Variants in ABL1 observed in about 807,000 individuals in gnomAD.
ABL1 encodes the protein ABL proto-oncogene 1, non-receptor tyrosine kinase.
ABL1 carries 11 observed loss-of-function variants against 94.7 expected under a neutral mutation model. That is an observed-to-expected ratio of 0.12 (90% CI 0.07 to 0.19). The LOEUF is 0.19. Ranked by LOEUF, ABL1 falls within the 10% of genes least tolerant of loss-of-function variation. The probability of loss-of-function intolerance (pLI) is 1.00; values close to 1 mark genes in which losing one functional copy is unlikely to be tolerated. For synonymous variants in ABL1, 656 were observed against 622.4 expected, an observed-to-expected ratio of 1.05 and a Z score of -0.80; for missense variants, 1,082 against 1,489.4, an observed-to-expected ratio of 0.73 and a Z score of 4.50.
At chr9:130,745,293 A>G (rs1057467932) in intron 1 of ABL1, among the ~76,000 whole-genome samples, 18 of 151,990 alleles carry the variant, frequency 1.2e-4, no homozygotes, top group Admixed American at 1.2e-3. Flanking sequence ...CATGTTGGTC[A>G]AGCTAGTCTT....
At chr9:130,833,405 G>C (rs543689290), upstream of ABL1, among the ~76,000 whole-genome samples, 3 of 152,152 alleles carry the variant, frequency 2.0e-5, no homozygotes, top group Non-Finnish European at 2.9e-5. Context: ...TTGGCATTAC[G>C]TGTAGAGGTT....
chr9:130,774,715 G>A (rs1037308375), intron 1 of ABL1, among the ~76,000 whole-genome samples: 2 of 151,974 alleles, frequency 1.3e-5, no homozygotes, highest in Admixed American at 6.6e-5. Context: ...GCATGGTGGC[G>A]TGCATCTATA....
At chr9:130,875,846 C>T (rs116320520) in intron 7 of ABL1, among the ~76,000 whole-genome samples, 1,588 of 152,102 alleles carry the variant, frequency 0.01, 32 homozygotes, top group African/African-American at 0.036. Flanking sequence ...CTTCTCCTTC[C>T]GACGGAGTTT....
At chr9:130,866,512 C>T (rs992712444) in intron 4 of ABL1, among the ~76,000 whole-genome samples, 1 of 152,134 alleles carries the variant, frequency 6.6e-6, no homozygotes, top group Admixed American at 6.5e-5. Flanking sequence ...AGCCTGTTTC[C>T]TATCGCTGGC....
At chr9:130,782,620 C>T (rs1829769442) in intron 1 of ABL1, among the ~76,000 whole-genome samples, 1 of 152,204 alleles carries the variant, frequency 6.6e-6, no homozygotes, top group South Asian at 2.1e-4. Flanking sequence ...ATAACACACA[C>T]CCACCTCATA....
intron 1 of ABL1, among the ~76,000 whole-genome samples, chr9:130,783,190 G>A (rs1829780350): frequency 6.6e-6 from 1 of 152,200 alleles, no homozygotes; most frequent in Non-Finnish European, 1.5e-5. Flanking sequence ...AGTTATTCAT[G>A]GAGCTGAAGA....
chr9:130,717,936 C>A (rs946310298), intron 1 of ABL1, among the ~76,000 whole-genome samples: 1 of 151,712 alleles, frequency 6.6e-6, no homozygotes, highest in African/African-American at 2.4e-5. Context: ...TTGCTTGAAC[C>A]CCGGAGCGGA....
intron 4 of ABL1, among the ~76,000 whole-genome samples, chr9:130,866,320 T>G (rs978106061): frequency 2.0e-5 from 3 of 152,184 alleles, no homozygotes; most frequent in Admixed American, 6.5e-5. Flanking sequence ...ATAAAATATT[T>G]ACATAAGCCA....
intron 1 of ABL1, among the ~76,000 whole-genome samples, chr9:130,785,533 T>A (rs34421735): frequency 0.022 from 3,425 of 152,258 alleles, 137 homozygotes; most frequent in African/African-American, 0.079. Flanking sequence ...CTGCCCTTTT[T>A]AAGACACATA....
Position 130,884,745 on chromosome 9 carries a change from C to T in ABL1, c.2455C>T (p.Arg819Trp), listed in dbSNP as rs373527910. The T allele has an allele frequency of 2.2e-5, 36 of 1,612,390 alleles. No homozygotes were observed. The highest frequency in any genetic ancestry group is 3.3e-5 in the South Asian group (3 of 91,074). Residue 819 changes from arginine to tryptophan, a missense_variant, in exon 11 of 11, where the codon CGG (arginine) becomes TGG (tryptophan). Around this residue, in one of 7 missense-constraint regions of ABL1, gnomAD observed 780 missense variants for 835.8 expected, o/e 0.93. Coordinates refer to ENST00000318560, the MANE Select transcript of ABL1 (RefSeq NM_005157.6). The surrounding 1 kb of genome is among the most constrained non-coding windows in gnomAD (Gnocchi z 5.6). ...SPPNLTPKPLRRQVTVAPASG... is the reference protein window; with the variant it reads ...SPPNLTPKPLWRQVTVAPASG... ...GCCCAACCTGACTCCAAAACCCCTCCGGCGGCAGGTCACCGTGGCCCCTGC... is the reference window on the plus strand; with the variant it reads ...GCCCAACCTGACTCCAAAACCCCTCTGGCGGCAGGTCACCGTGGCCCCTGC...
intron 1 of ABL1, among the ~76,000 whole-genome samples, chr9:130,762,048 C>T (rs376027103): frequency 6.6e-6 from 1 of 150,502 alleles, no homozygotes; most frequent in East Asian, 2.0e-4. Context: ...GAGGCTGAGG[C>T]AGGAGAATCA....
chr9:130,858,529 G>T (rs769050231), intron 3 of ABL1, among the ~76,000 whole-genome samples: 1 of 152,142 alleles, frequency 6.6e-6, no homozygotes. Flanking sequence ...CCAGCAGACC[G>T]TCTGCGGAGG....
At chr9:130,740,169 G>A (rs968137824) in intron 1 of ABL1, among the ~76,000 whole-genome samples, 30 of 152,162 alleles carry the variant, frequency 2.0e-4, no homozygotes, top group African/African-American at 7.0e-4. Context: ...GCTCAGATTC[G>A]CCATTTATTG....
intron 1 of ABL1, among the ~76,000 whole-genome samples, chr9:130,847,934 G>C (rs1053170866): frequency 6.6e-6 from 1 of 152,172 alleles, no homozygotes; most frequent in African/African-American, 2.4e-5. Context: ...GCTTATTCCA[G>C]GTGTTTTCCA....
chr9:130,789,705 C>T lies in ABL1; in HGVS notation c.137-64359C>T, dbSNP rs553346743. 7.2e-5 allele frequency among the ~76,000 whole-genome samples: 11 copies of T among 152,230 alleles called. No homozygotes were observed. In the South Asian group the frequency reaches 2.3e-3, roughly 32 times the overall value. On this transcript the variant is annotated intron_variant, in intron 1 of 10. Transcript: ENST00000372348. ...AATATGAGGAAAGAGAGAGATACAT[C>T]AAAAACAACCAGGCAGTTTTATTTT...
chr9:130,817,591 A>T (rs1372243704), intron 1 of ABL1, among the ~76,000 whole-genome samples: 1 of 152,172 alleles, frequency 6.6e-6, no homozygotes, highest in Non-Finnish European at 1.5e-5. Context: ...GTTGTAAATG[A>T]CCCTGTCTCC....
At chr9:130,773,421 T>A (rs1285836038) in intron 1 of ABL1, among the ~76,000 whole-genome samples, 1 of 152,116 alleles carries the variant, frequency 6.6e-6, no homozygotes, top group Non-Finnish European at 1.5e-5. Context: ...GTTTGCTAAT[T>A]TCAGTAATCA....
rs753958092 is a variant in ABL1, at chr9:130,854,106, G to A, written c.122G>A (p.Gly41Asp). 4.3e-6 allele frequency: 7 copies of A among 1,614,084 alleles called. No homozygotes were observed. Among genetic ancestry groups the A allele is most frequent in the Non-Finnish European group, 5.1e-6 (6 of 1,180,010 alleles). The change falls in exon 2 of 11, where the codon GGT becomes GAT. Residue 41 changes from glycine to aspartate, a missense_variant. Gly to Asp is a moderately conservative substitution (Grantham distance 94). Transcript: ENST00000318560. ...RPVASDFEPQ[G>D]LSEAARWNSK... ...GTAGCATCTGACTTTGAGCCTCAGG[G>A]TCTGAGTGAAGCCGCTCGTTGGAAC...
chr9:130,870,907 G>GC (rs1236084369), intron 4 of ABL1, among the ~76,000 whole-genome samples: 2 of 152,296 alleles, frequency 1.3e-5, no homozygotes, highest in Admixed American at 6.5e-5. Flanking sequence ...GTAAAGGTTG[G>GC]CCCGTCCTCT....
Sources: gnomAD v4.1 joint callset for allele counts (sites outside exome capture counted in the v4.1 genomes callset) on GRCh38, gnomAD v4.1.1 for gene constraint, gnomAD v4.1.1 regional missense constraint, Gnocchi (gnomAD v3.1) non-coding constraint, MANE v1.5 for transcripts, NCBI Gene and HGNC (gene_info 2026-07-23, HGNC 2026-07-21) for gene names.